ACSS1: variants seen among roughly 807,000 people sequenced by gnomAD.
The protein encoded by ACSS1 is acetyl-coenzyme A synthetase 2-like, mitochondrial.
Under a neutral mutation model 75.3 loss-of-function variants are expected in ACSS1, and 42 were observed. The ratio of observed to expected loss-of-function variants is 0.56; its 90% CI spans 0.44 to 0.72. ACSS1 has a LOEUF of 0.72. ACSS1 is among the 30% of genes least tolerant of loss of function. The probability of loss-of-function intolerance (pLI) is 0.00; values close to 1 mark genes in which losing one functional copy is unlikely to be tolerated. For missense variants in ACSS1, 782 were observed against 935.7 expected (o/e 0.84, Z 2.14); for synonymous variants, 380 against 376.8 (o/e 1.01, Z -0.10).
chr20:25,045,683 C>T (rs1405205007), intron 2 of ACSS1, among the ~76,000 whole-genome samples: 2 of 152,220 alleles, frequency 1.3e-5, no homozygotes, highest in East Asian at 1.9e-4. Context: ...TGTTCAGTGG[C>T]AGTGATGTGT....
chr20:25,037,234 A>G lies in ACSS1; in HGVS notation c.432-6276T>C, dbSNP rs186951592. On this transcript the variant is annotated intron_variant, in intron 2 of 13. Coordinates refer to ENST00000323482, the MANE Select transcript of ACSS1 (RefSeq NM_032501.4). ...CCACCTAGCTCATATAAGGTACTCA[A>G]TAAATATTTGTTGAGCAAATGGGCG... Among the ~76,000 whole-genome samples the G allele has an allele frequency of 7.2e-5, 11 of 152,238 alleles. No individual in the cohort carries two copies. In the East Asian group the frequency reaches 2.1e-3, roughly 29 times the overall value.
intron 3 of ACSS1, among the ~76,000 whole-genome samples, chr20:25,029,159 A>T (rs184760970): frequency 6.6e-6 from 1 of 152,246 alleles, no homozygotes; most frequent in African/African-American, 2.4e-5. Context: ...TTCAGAATAT[A>T]TAAGTAACTT....
chr20:25,009,402 C>A lies in ACSS1; in HGVS notation c.1772-14G>T, dbSNP rs778623957. On this transcript the variant is annotated splice_polypyrimidine_tract_variant and intron_variant, in intron 12 of 13. Transcript: ENST00000323482. Reference sequence around the variant, plus strand: ...AGGCAAAGGCAGCTGAAAATAAAGCCAAGTTTGGGGATGTATTAAATACTA... The same window carrying A: ...AGGCAAAGGCAGCTGAAAATAAAGCAAAGTTTGGGGATGTATTAAATACTA... 6.9e-6 allele frequency: 11 copies of A among 1,604,272 alleles called. No individual in the cohort carries two copies. The highest frequency in any genetic ancestry group is 9.4e-6 in the Non-Finnish European group (11 of 1,171,008).
intron 2 of ACSS1, among the ~76,000 whole-genome samples, chr20:25,039,385 T>G (rs574689185): frequency 6.6e-6 from 1 of 152,326 alleles, no homozygotes; most frequent in Non-Finnish European, 1.5e-5. Flanking sequence ...TAATTATTCA[T>G]GTAACATTTT....
chr20:25,036,902 C>T (rs1721006528), intron 2 of ACSS1, among the ~76,000 whole-genome samples: 1 of 148,394 alleles, frequency 6.7e-6, no homozygotes, highest in Non-Finnish European at 1.5e-5. Context: ...TTGCAGTGAA[C>T]TGAGATCCCA....
At chr20:25,051,533 T>C (rs891790350) in intron 1 of ACSS1, among the ~76,000 whole-genome samples, 2 of 152,206 alleles carry the variant, frequency 1.3e-5, no homozygotes, top group African/African-American at 2.4e-5. Context: ...CTGCAGCCAG[T>C]GTGCCCCGTC....
At chr20:25,056,151 G>A (rs74173665) in intron 1 of ACSS1, among the ~76,000 whole-genome samples, 6,901 of 152,246 alleles carry the variant, frequency 0.045, 252 homozygotes, top group South Asian at 0.071. Context: ...CCTTGCTGTT[G>A]GCCCCAGGAG....
intron 2 of ACSS1, among the ~76,000 whole-genome samples, chr20:25,031,926 G>A (rs770243691): frequency 2.6e-4 from 39 of 152,198 alleles, no homozygotes; most frequent in Non-Finnish European, 4.4e-4. Context: ...ATGCTCTCAG[G>A]GAGCAGACCC....
chr20:25,047,270 C>G (rs1014958017), intron 2 of ACSS1, among the ~76,000 whole-genome samples: 1 of 152,198 alleles, frequency 6.6e-6, no homozygotes, highest in African/African-American at 2.4e-5. Flanking sequence ...GCTCCTGTGT[C>G]CCAGCCACAT....
chr20:25,057,830 C>T lies in ACSS1; in HGVS notation c.273G>A (p.Trp91Ter), dbSNP rs1214724857. 1 of 1,610,122 alleles carries T rather than the reference C, an allele frequency of 6.2e-7. No individual in the cohort carries two copies. Among genetic ancestry groups the T allele is most frequent in the African/African-American group, 1.3e-5 (1 of 74,772 alleles). The change falls in exon 1 of 14, where the codon TGG (tryptophan) becomes TGA (stop). Residue 91 changes from tryptophan (W) to a stop codon, truncating the protein, a stop_gained. Coordinates refer to ENST00000323482, the MANE Select transcript of ACSS1 (RefSeq NM_032501.4). LOFTEE classifies it high-confidence loss of function. The stretch of plus-strand genomic sequence containing the variant: ...TCTTGCCAGTGCTGAAGTCGCAGTC[C>T]CAGACGGTGTGGTAGGGGGTGTCCC... ...LVWDTPYHTVWDCDFSTGKIG... is the reference protein window; with the variant it reads ...LVWDTPYHTV
chr20:25,027,352 A>G (rs778503171), intron 3 of ACSS1, among the ~76,000 whole-genome samples: 4 of 152,240 alleles, frequency 2.6e-5, no homozygotes, highest in Non-Finnish European at 5.9e-5. Flanking sequence ...AGAAAACTAC[A>G]GACAAATATC....
intron 12 of ACSS1, 40 bp downstream of exon 12, chr20:25,012,561 G>T (rs764112756): frequency 1.2e-6 from 2 of 1,610,986 alleles, no homozygotes; most frequent in South Asian, 2.2e-5. Context: ...ATGGGTGTGG[G>T]GTCAGGAATC....
chr20:25,045,317 A>G (rs1243460011), intron 2 of ACSS1, among the ~76,000 whole-genome samples: 1 of 152,084 alleles, frequency 6.6e-6, no homozygotes, highest in East Asian at 1.9e-4. Context: ...ACCCCAGAGG[A>G]CCTGGGGAAG....
At chr20:25,045,764 C>G (rs144621272) in intron 2 of ACSS1, among the ~76,000 whole-genome samples, 2,450 of 152,342 alleles carry the variant, frequency 0.016, 28 homozygotes, top group Middle Eastern at 0.034. Flanking sequence ...AACCTCACAT[C>G]AGAAACCTAG....
intron 13 of ACSS1, 40 bp from the exon 14 acceptor site, chr20:25,007,981 C>T (rs1392713248): frequency 6.2e-7 from 1 of 1,604,424 alleles, no homozygotes; most frequent in African/African-American, 1.3e-5. Context: ...GTGGATGGTG[C>T]CCAGCCTCTG....
intron 1 of ACSS1, among the ~76,000 whole-genome samples, chr20:25,056,348 T>C (rs2089242125): frequency 1.3e-5 from 2 of 152,270 alleles, no homozygotes; most frequent in Middle Eastern, 3.4e-3. Flanking sequence ...TTGGTTTTTT[T>C]CCCACTAGTT....
intron 1 of ACSS1, among the ~76,000 whole-genome samples, chr20:25,057,481 C>G (rs1248998459): frequency 6.6e-6 from 1 of 152,208 alleles, no homozygotes; most frequent in Non-Finnish European, 1.5e-5. Context: ...GTCCGCCGAG[C>G]GAGGAGCCGC....
Position 25,055,023 on chromosome 20 carries a change from C to T in ACSS1, c.334+2746G>A, listed in dbSNP as rs144272666. ...TCTCCATGTCTGCATCCTTCAGCCC[C>T]TTCTGTCTATAAAACCATCCTCCTC... On this transcript the variant is annotated intron_variant, in intron 1 of 13. Transcript: ENST00000323482. Among the ~76,000 whole-genome samples the T allele has an allele frequency of 1.2e-3, 186 of 152,358 alleles. 1 individual carries two copies. The highest frequency in any genetic ancestry group is 4.3e-3 in the African/African-American group (178 of 41,580).
In ACSS1 at chr20:25,006,755, T is replaced by C; in HGVS notation, c.*1007A>G. 7.0e-7 allele frequency: 1 copy of C among 1,428,558 alleles called. No individual in the cohort carries two copies. Among genetic ancestry groups the C allele is most frequent in the South Asian group, 1.3e-5 (1 of 78,674 alleles). The allele number at this position is 1,428,558 out of a possible 1,614,324, so 88.5% of individuals were successfully genotyped here. ...AAGTCACATTAAAACAAAGAGAGAC[T>C]GGATCCAGACCTCCAAGTCTCATCA... On this transcript the variant is annotated 3_prime_UTR_variant, in exon 14 of 14. Transcript: ENST00000323482.
Sources: allele counts gnomAD v4.1 joint callset (sites outside exome capture counted in the v4.1 genomes callset), GRCh38; gene constraint gnomAD v4.1.1; transcripts MANE v1.5; gene names NCBI Gene and HGNC (gene_info 2026-07-23, HGNC 2026-07-21).